The following ADAM17 variants were observed in gnomAD, a reference collection of about 807,000 sequenced individuals.
The protein encoded by ADAM17 is disintegrin and metalloproteinase domain-containing protein 17.
Under a neutral mutation model 96.7 loss-of-function variants are expected in ADAM17, and 39 were observed. The observed-to-expected ratio is 0.40, with a 90% CI of 0.31 to 0.53. ADAM17 has a LOEUF of 0.53. ADAM17 is among the 20% of genes least tolerant of loss of function. The pLI is 0.44. For synonymous variants in ADAM17, 344 were observed against 359.2 expected (o/e 0.96, Z 0.48); for missense variants, 777 against 1,013.2 (o/e 0.77, Z 3.17).
intron 14 of ADAM17, among the ~76,000 whole-genome samples, chr2:9,495,857 T>A (rs1662550722): frequency 6.8e-6 from 1 of 148,092 alleles, no homozygotes; most frequent in Non-Finnish European, 1.5e-5. Flanking sequence ...TGCTACGTGT[T>A]ACCTTTTTTT....
At chr2:9,512,452 C>A (rs1558508467) in intron 10 of ADAM17, 2 of 152,226 alleles carry the variant, frequency 1.3e-5, no homozygotes, top group Non-Finnish European at 2.9e-5. Context: ...TTACAACCCT[C>A]CGTAGCCCTG....
intron 12 of ADAM17, among the ~76,000 whole-genome samples, chr2:9,504,353 G>C (rs879448628): frequency 6.6e-6 from 1 of 151,958 alleles, no homozygotes; most frequent in Non-Finnish European, 1.5e-5. Flanking sequence ...GCTGAGGCAG[G>C]GGAATCGCTT....
At position 9,555,780 on chromosome 2, in the gene ADAM17, A is replaced by T; in HGVS notation, c.-175T>A. The T allele has an allele frequency of 2.0e-6, 1 of 489,734 alleles. No homozygotes were observed. The highest frequency in any genetic ancestry group is 3.5e-6 in the Non-Finnish European group (1 of 286,326). The allele number at this position is 489,734 out of a possible 1,614,324, so 30.3% of individuals were successfully genotyped here. A position where few individuals can be genotyped will look rare whatever the true frequency, so the allele number is the denominator to read the frequency against. On this transcript the variant is annotated 5_prime_UTR_variant, in exon 1 of 19. Transcript: ENST00000310823. The stretch of plus-strand genomic sequence containing the variant: ...TACCGCCAGGCTCGACGCCCCCAGA[A>T]GTGCAGGTGGCGTTACCAAAGGCCG...
chr2:9,517,797 A>C, intron 10 of ADAM17, 104 bp downstream of exon 10: 1 of 668,160 alleles, frequency 1.5e-6, no homozygotes, highest in Non-Finnish European at 2.2e-6. Flanking sequence ...AATTTAAAAA[A>C]CAGTATATAT....
At chr2:9,553,389 A>G (rs1665640533) in intron 1 of ADAM17, among the ~76,000 whole-genome samples, 1 of 151,830 alleles carries the variant, frequency 6.6e-6, no homozygotes, top group African/African-American at 2.4e-5. Flanking sequence ...AAAAAAAAAA[A>G]GAGGCCGGGC....
Position 9,536,607 on chromosome 2 carries a change from T to C in ADAM17, c.361+91A>G, listed in dbSNP as rs1664970569. The stretch of plus-strand genomic sequence containing the variant: ...CACTTCTATGACACCCCGTCCCCAC[T>C]ATCCTGCACCAGAAAAGAATATGCA... On this transcript the variant is annotated intron_variant, in intron 3 of 18. Coordinates refer to ENST00000310823, the MANE Select transcript of ADAM17 (RefSeq NM_003183.6). The C allele has an allele frequency of 6.5e-6, 10 of 1,540,436 alleles. 1 individual carries two copies. The South Asian group carries it at 1.1e-4, about 17-fold the overall frequency.
At chr2:9,504,104 T>C (rs1663212182) in intron 12 of ADAM17, among the ~76,000 whole-genome samples, 1 of 152,032 alleles carries the variant, frequency 6.6e-6, no homozygotes, top group African/African-American at 2.4e-5. Flanking sequence ...TGAGCCATGA[T>C]CATGCCACTG....
chr2:9,528,016 C>A, intron 4 of ADAM17, 62 bp from the exon 5 acceptor site: 2 of 1,126,710 alleles, frequency 1.8e-6, no homozygotes, highest in Non-Finnish European at 2.4e-6. Context: ...ACACTAAATT[C>A]TTCTAACATT....
chr2:9,530,177 C>G (rs777724741), intron 4 of ADAM17, among the ~76,000 whole-genome samples: 1 of 152,138 alleles, frequency 6.6e-6, no homozygotes, highest in Non-Finnish European at 1.5e-5. Flanking sequence ...ACCCAACTTC[C>G]GGGCTACAGG....
intron 1 of ADAM17, among the ~76,000 whole-genome samples, chr2:9,549,504 G>A (rs1299534404): frequency 1.3e-5 from 2 of 152,182 alleles, no homozygotes; most frequent in Non-Finnish European, 2.9e-5. Context: ...TGTTATATGA[G>A]AAGGTTCTGG....
At chr2:9,553,396 G>C (rs942088249) in intron 1 of ADAM17, among the ~76,000 whole-genome samples, 1 of 151,648 alleles carries the variant, frequency 6.6e-6, no homozygotes, top group Non-Finnish European at 1.5e-5. Flanking sequence ...AAAAGAGGCC[G>C]GGCCTGGTGG....
chr2:9,503,623 G>A (rs772606694), intron 12 of ADAM17, among the ~76,000 whole-genome samples: 33 of 151,988 alleles, frequency 2.2e-4, no homozygotes, highest in Non-Finnish European at 4.1e-4. Context: ...GGCAGATCAC[G>A]AAGTCAGGAG....
chr2:9,504,911 TCTCA>T (rs1007461981), intron 12 of ADAM17, among the ~76,000 whole-genome samples: 3 of 152,158 alleles, frequency 2.0e-5, no homozygotes, highest in African/African-American at 4.8e-5. Context: ...AGAGATAGTG[TCTCA>T]CTATGTTGCC....
At chr2:9,526,305 AAC>A (rs778645303) in intron 5 of ADAM17, 61 bp from the exon 6 acceptor site, 2 of 1,528,504 alleles carry the variant, frequency 1.3e-6, no homozygotes, top group African/African-American at 2.8e-5. Flanking sequence ...GTTTTATGGT[AAC>A]ACTTTAAATC....
intron 18 of ADAM17, 123 bp downstream of exon 18, chr2:9,490,978 C>A: frequency 1.2e-6 from 1 of 841,666 alleles, no homozygotes; most frequent in Admixed American, 2.4e-5. Context: ...AACCTAGACC[C>A]TTCCTGCTGC....
chr2:9,512,872 G>C (rs1303307820), intron 10 of ADAM17, among the ~76,000 whole-genome samples: 1 of 152,190 alleles, frequency 6.6e-6, no homozygotes, highest in Non-Finnish European at 1.5e-5. Flanking sequence ...TGACAGGAAG[G>C]TGCAAAACTC....
chr2:9,552,115 T>C (rs1359279477), intron 1 of ADAM17, among the ~76,000 whole-genome samples: 1 of 152,236 alleles, frequency 6.6e-6, no homozygotes, highest in Non-Finnish European at 1.5e-5. Context: ...GTTACCTCAA[T>C]GAAGCCCATT....
At chr2:9,498,312 A>C (rs1662769521) in intron 13 of ADAM17, among the ~76,000 whole-genome samples, 1 of 152,216 alleles carries the variant, frequency 6.6e-6, no homozygotes, top group Admixed American at 6.5e-5. Flanking sequence ...AATGATAGGC[A>C]TGAGCCACTG....
At chr2:9,542,706 A>G (rs1002479796) in intron 2 of ADAM17, among the ~76,000 whole-genome samples, 5 of 151,960 alleles carry the variant, frequency 3.3e-5, no homozygotes, top group African/African-American at 1.2e-4. Context: ...TATTTTATTT[A>G]TTTATTTTTT....
Sources: allele counts gnomAD v4.1 joint callset (sites outside exome capture counted in the v4.1 genomes callset), GRCh38; gene constraint gnomAD v4.1.1; transcripts MANE v1.5; gene names NCBI Gene and HGNC (gene_info 2026-07-23, HGNC 2026-07-21).